The following NWD2 variants were observed in gnomAD, a reference collection of about 807,000 sequenced individuals.
The protein encoded by NWD2 is NACHT and WD repeat domain-containing protein 2.
NWD2 carries 37 observed loss-of-function variants against 132.7 expected under a neutral mutation model. The ratio of observed to expected loss-of-function variants is 0.28; its 90% CI spans 0.21 to 0.37. The LOEUF (loss-of-function observed/expected upper bound fraction) is 0.37. Ranked by LOEUF, NWD2 falls within the 10% of genes least tolerant of loss-of-function variation. The pLI is 1.00. For synonymous variants in NWD2, 705 were observed against 803.0 expected (o/e 0.88, Z 2.06); for missense variants, 1,592 against 2,122.4 (o/e 0.75, Z 4.91).
At chr4:37,388,669 T>C (rs1387033247) in intron 3 of NWD2, among the ~76,000 whole-genome samples, 2 of 147,664 alleles carry the variant, frequency 1.4e-5, no homozygotes, top group African/African-American at 4.9e-5. Context: ...ATATCATATA[T>C]AAATATATAT....
At chr4:37,255,696 A>C (rs1366312455) in intron 1 of NWD2, among the ~76,000 whole-genome samples, 1 of 152,178 alleles carries the variant, frequency 6.6e-6, no homozygotes, top group Admixed American at 6.5e-5. Flanking sequence ...CCCAGCCCCT[A>C]ATCATAAGGG....
chr4:37,447,176 G>C lies in NWD2; in HGVS notation c.5188G>C (p.Ala1730Pro). 6.4e-7 allele frequency: 1 copy of C among 1,551,248 alleles called. No homozygotes were observed. The highest frequency in any genetic ancestry group is 8.7e-7 in the Non-Finnish European group (1 of 1,146,968). The change falls in exon 7 of 7, where the codon GCC becomes CCC. Residue 1730 changes from alanine (A) to proline (P), a missense_variant. This residue lies in a region of NWD2 where 257 missense variants were observed against 335.0 expected (regional missense o/e 0.77). Transcript: ENST00000309447. ...HNSCYERVCS[A>P]LEARGHSYAP... ...CTCTTGTTATGAGCGGGTATGCTCG[G>C]CCCTAGAAGCCAGGGGCCACAGCTA... is the stretch of plus-strand genomic sequence containing the variant.
intron 3 of NWD2, among the ~76,000 whole-genome samples, chr4:37,366,380 C>T (rs1184300674): frequency 1.3e-5 from 2 of 151,996 alleles, no homozygotes; most frequent in Non-Finnish European, 2.9e-5. Context: ...ATCAGTCTAA[C>T]ATAGGAAAGG....
chr4:37,443,791 C>T lies in NWD2; in HGVS notation c.1803C>T (p.Asn601=). 6.4e-7 allele frequency: 1 copy of T among 1,552,052 alleles called. No homozygotes were observed. ...KVTSGQQIYV[N]NALSKCTLPM... ...CATCAGGCCAGCAGATTTATGTGAA[C>T]AATGCATTATCCAAGTGCACACTGC... The change falls in exon 7 of 7, where the codon AAC becomes AAT. Residue 601 remains asparagine (N), a synonymous_variant. Transcript: ENST00000309447. This position sits in a 1 kb window ranked among gnomAD's most constrained non-coding sequence, Gnocchi z 4.1.
At chr4:37,297,451 C>T (rs1163173794) in intron 1 of NWD2, among the ~76,000 whole-genome samples, 1 of 152,128 alleles carries the variant, frequency 6.6e-6, no homozygotes, top group Non-Finnish European at 1.5e-5. Flanking sequence ...AACATATCTT[C>T]ATATCCTTTG....
intron 2 of NWD2, among the ~76,000 whole-genome samples, chr4:37,353,647 C>A (rs1047172451): frequency 5.9e-5 from 9 of 151,756 alleles, no homozygotes; most frequent in Non-Finnish European, 8.8e-5. Context: ...GCTATTGATA[C>A]TTGTGTATGC....
chr4:37,323,347 G>C (rs990317200), intron 1 of NWD2, among the ~76,000 whole-genome samples: 1 of 152,014 alleles, frequency 6.6e-6, no homozygotes, highest in Non-Finnish European at 1.5e-5. Flanking sequence ...CTTAAATCAA[G>C]CAAAAACCAA....
chr4:37,428,564 C>T (rs1712069313), intron 3 of NWD2, among the ~76,000 whole-genome samples: 1 of 152,218 alleles, frequency 6.6e-6, no homozygotes, highest in South Asian at 2.1e-4. Context: ...TTGCTCAGCT[C>T]TGTAACCAGA....
chr4:37,338,897 C>T (rs1279716534), intron 2 of NWD2, among the ~76,000 whole-genome samples: 1 of 152,212 alleles, frequency 6.6e-6, no homozygotes, highest in Non-Finnish European at 1.5e-5. Context: ...TACCAAAATA[C>T]GTAACTGGCT....
intron 1 of NWD2, among the ~76,000 whole-genome samples, chr4:37,245,715 G>A (rs2109252682): frequency 6.6e-6 from 1 of 152,224 alleles, no homozygotes; most frequent in African/African-American, 2.4e-5. Context: ...GTGCGATGGT[G>A]CCCTTTGCAG....
At chr4:37,409,660 A>G (rs1411428784) in intron 3 of NWD2, among the ~76,000 whole-genome samples, 2 of 152,274 alleles carry the variant, frequency 1.3e-5, no homozygotes, top group African/African-American at 2.4e-5. Flanking sequence ...AGAGAACACC[A>G]CTAAGATACT....
chr4:37,319,442 G>A (rs910937939), intron 1 of NWD2, among the ~76,000 whole-genome samples: 7 of 152,150 alleles, frequency 4.6e-5, no homozygotes, highest in Non-Finnish European at 1.0e-4. Flanking sequence ...TATTACTGCT[G>A]ATAGTTTCTT....
chr4:37,287,122 G>T (rs1325416697), intron 1 of NWD2, among the ~76,000 whole-genome samples: 1 of 152,184 alleles, frequency 6.6e-6, no homozygotes, highest in Non-Finnish European at 1.5e-5. Context: ...ATGCTACCCA[G>T]CCAGGGAAAC....
chr4:37,311,240 A>G (rs952314151), intron 1 of NWD2, among the ~76,000 whole-genome samples: 3 of 152,200 alleles, frequency 2.0e-5, no homozygotes, highest in African/African-American at 7.2e-5. Context: ...ACTAGTTTAC[A>G]GTCCCACCAA....
chr4:37,305,085 C>T (rs567620787), intron 1 of NWD2, among the ~76,000 whole-genome samples: 18 of 152,324 alleles, frequency 1.2e-4, no homozygotes, highest in South Asian at 6.2e-4. Context: ...GCAGGCTCAA[C>T]GCTACGTGGA....
At chr4:37,283,629 G>T (rs1718172071) in intron 1 of NWD2, among the ~76,000 whole-genome samples, 1 of 152,028 alleles carries the variant, frequency 6.6e-6, no homozygotes, top group South Asian at 2.1e-4. Flanking sequence ...TGTAAGTCTT[G>T]TATTTCTGAA....
intron 1 of NWD2, among the ~76,000 whole-genome samples, chr4:37,309,434 A>C (rs866072943): frequency 3.9e-5 from 6 of 152,136 alleles, no homozygotes; most frequent in African/African-American, 1.2e-4. Context: ...CACGGGGTCC[A>C]ACTGGAATCA....
At chr4:37,384,715 G>C (rs1270827265) in intron 3 of NWD2, among the ~76,000 whole-genome samples, 1 of 152,234 alleles carries the variant, frequency 6.6e-6, no homozygotes, top group Non-Finnish European at 1.5e-5. Context: ...TCAGCCTCCA[G>C]ATACATCTAA....
rs972002898 is a variant in NWD2, at chr4:37,276,294, C to T, written c.151+31076C>T. On this transcript the variant is annotated intron_variant, in intron 1 of 6. Transcript: ENST00000309447. The stretch of plus-strand genomic sequence containing the variant: ...CCCATCAAAAAGTGGGCAAAGGATA[C>T]ACTTCTCAAAAGAAGACATTTATGC... Among the ~76,000 whole-genome samples, 8 of 150,386 alleles carry T rather than the reference C, an allele frequency of 5.3e-5. No individual in the cohort carries two copies. In the East Asian group the frequency reaches 1.4e-3, roughly 26 times the overall value.
Sources: gnomAD v4.1 joint callset for allele counts (sites outside exome capture counted in the v4.1 genomes callset) on GRCh38, gnomAD v4.1.1 for gene constraint, gnomAD v4.1.1 regional missense constraint, Gnocchi (gnomAD v3.1) non-coding constraint, MANE v1.5 for transcripts, NCBI Gene and HGNC (gene_info 2026-07-23, HGNC 2026-07-21) for gene names.